Variants in INTS9 observed in about 807,000 individuals in gnomAD.
INTS9 encodes protein related to CPSF subunits of 74 kDa.
In INTS9, 55 loss-of-function variants were observed where a neutral mutation model predicts 79.7. The observed-to-expected ratio is 0.69, with a 90% CI of 0.56 to 0.86. The LOEUF is 0.86. Among genes scored for constraint, INTS9 ranks in the 40% least tolerant of loss-of-function variants. The pLI is 0.00. For missense variants in INTS9, 721 were observed against 831.5 expected (o/e 0.87, Z 1.64); for synonymous variants, 319 against 325.2 (o/e 0.98, Z 0.20).
chr8:28,771,900 G>A (rs1802563431), intron 14 of INTS9, among the ~76,000 whole-genome samples: 1 of 152,130 alleles, frequency 6.6e-6, no homozygotes, highest in South Asian at 2.1e-4. Context: ...TCACTCTGCT[G>A]CCCAGGCTGG....
At chr8:28,826,286 T>A (rs1410016276) in intron 6 of INTS9, among the ~76,000 whole-genome samples, 2 of 151,970 alleles carry the variant, frequency 1.3e-5, no homozygotes, top group Non-Finnish European at 2.9e-5. Context: ...TAAATGACAC[T>A]CAAAAGAAAA....
intron 11 of INTS9, among the ~76,000 whole-genome samples, chr8:28,784,941 A>G (rs771038654): frequency 9.2e-5 from 14 of 152,212 alleles, no homozygotes; most frequent in Non-Finnish European, 1.9e-4. Context: ...GAGTACATCT[A>G]TCTGTCACAT....
chr8:28,819,780 G>C (rs985950171), intron 6 of INTS9, among the ~76,000 whole-genome samples: 2 of 152,088 alleles, frequency 1.3e-5, no homozygotes, highest in African/African-American at 4.8e-5. Flanking sequence ...ATTATTGTGT[G>C]GGAGTCTAAG....
chr8:28,877,429 T>C (rs1809458017), intron 1 of INTS9, among the ~76,000 whole-genome samples: 1 of 152,182 alleles, frequency 6.6e-6, no homozygotes, highest in Non-Finnish European at 1.5e-5. Context: ...CATTACATTG[T>C]AGTGGTAAGC....
intron 4 of INTS9, among the ~76,000 whole-genome samples, chr8:28,844,361 C>A (rs944293493): frequency 1.3e-5 from 2 of 151,688 alleles, no homozygotes; most frequent in Admixed American, 6.6e-5. Flanking sequence ...GGCAACAAGG[C>A]AAAACCCCAT....
chr8:28,809,262 G>A (rs972228275), intron 8 of INTS9, among the ~76,000 whole-genome samples: 2 of 152,022 alleles, frequency 1.3e-5, no homozygotes, highest in Admixed American at 6.6e-5. Flanking sequence ...TCCAGCCTAC[G>A]GTGTATATTC....
Position 28,767,891 on chromosome 8 carries a change from C to T in INTS9, c.*255G>A. 4.3e-6 allele frequency: 2 copies of T among 470,538 alleles called. No individual in the cohort carries two copies. The highest frequency in any genetic ancestry group is 4.5e-5 in the South Asian group (2 of 44,808). 29.1% of individuals were successfully genotyped at this position (470,538 alleles called of 1,614,324 possible). A position where few individuals can be genotyped will look rare whatever the true frequency, so the allele number is the denominator to read the frequency against. On this transcript the variant is annotated 3_prime_UTR_variant, in exon 17 of 17. Transcript: ENST00000521022. ...TTGGAAAACTTCTCCTGTCCCACTT[C>T]TGCCACCCTCCAGCTCCTTGAGAGA...
At position 28,773,184 on chromosome 8, in the gene INTS9, C is replaced by T. The variant is rs186477744; in HGVS notation, c.1564-2104G>A. On this transcript the variant is annotated intron_variant, in intron 14 of 16. Coordinates refer to ENST00000521022, the MANE Select transcript of INTS9 (RefSeq NM_018250.4). ...AAATGAAAATCTGTGAAAAAAGGGG[C>T]CAGGCGCAGTGGCTCACGCCTGTAA... Among the ~76,000 whole-genome samples the T allele has an allele frequency of 3.3e-5, 5 of 152,246 alleles. No homozygotes were observed. In the East Asian group the frequency reaches 7.8e-4, roughly 24 times the overall value.
chr8:28,842,351 C>T (rs899710728), intron 4 of INTS9, among the ~76,000 whole-genome samples: 6 of 152,122 alleles, frequency 3.9e-5, no homozygotes, highest in African/African-American at 1.2e-4. Context: ...GATGTTTTCA[C>T]GTTTTCATTT....
In INTS9 at chr8:28,784,379, T is replaced by A. The variant is rs528683702; in HGVS notation, c.1099-3385A>T. On this transcript the variant is annotated intron_variant, in intron 11 of 16. Transcript: ENST00000521022. ...TCCACCACAAGATGTTTTGCCACAC[T>A]TAATTTTCTGACATTTTTATAATAT... is the stretch of plus-strand genomic sequence containing the variant. Among the ~76,000 whole-genome samples the A allele has an allele frequency of 2.6e-4, 40 of 152,344 alleles. No individual in the cohort carries two copies. In the South Asian group the frequency reaches 7.9e-3, roughly 30 times the overall value.
chr8:28,803,112 AAAAT>A (rs1303868918), intron 8 of INTS9, among the ~76,000 whole-genome samples: 3 of 152,214 alleles, frequency 2.0e-5, no homozygotes, highest in Admixed American at 6.5e-5. Context: ...GACTGTCTCA[AAAAT>A]AAATAAATAA....
At chr8:28,878,938 C>G (rs1438805763) in intron 1 of INTS9, among the ~76,000 whole-genome samples, 2 of 151,460 alleles carry the variant, frequency 1.3e-5, no homozygotes, top group East Asian at 3.9e-4. Context: ...CAAGATTGCC[C>G]ACCGCACTCC....
At chr8:28,799,822 C>T (rs914047039) in intron 8 of INTS9, among the ~76,000 whole-genome samples, 7 of 152,200 alleles carry the variant, frequency 4.6e-5, no homozygotes, top group Admixed American at 2.6e-4. Context: ...GCCAGCAACA[C>T]CCAACTCGGG....
At chr8:28,859,596 C>A (rs904715115) in intron 1 of INTS9, 33 bp from the exon 2 acceptor site, 3 of 1,608,474 alleles carry the variant, frequency 1.9e-6, no homozygotes, top group African/African-American at 2.7e-5. Flanking sequence ...GATCAGTAAT[C>A]AATTACAGAA....
At chr8:28,807,002 A>G (rs1337521554) in intron 8 of INTS9, among the ~76,000 whole-genome samples, 1 of 152,202 alleles carries the variant, frequency 6.6e-6, no homozygotes, top group African/African-American at 2.4e-5. Context: ...ACAAAGGATG[A>G]AAATACAACC....
rs1021422673 is a variant in INTS9, at chr8:28,839,328, G to A, written c.262-1552C>T. ...ATGGAAGAACATTCCATGCTCATGG[G>A]TAGGAAGAATCAATATCATGAAAAT... is the stretch of plus-strand genomic sequence containing the variant. On this transcript the variant is annotated intron_variant, in intron 4 of 16. Coordinates refer to ENST00000521022, the MANE Select transcript of INTS9 (RefSeq NM_018250.4). 2.6e-5 allele frequency among the ~76,000 whole-genome samples: 4 copies of A among 151,934 alleles called. No homozygotes were observed. In the East Asian group the frequency reaches 7.7e-4, roughly 29 times the overall value.
intron 9 of INTS9, 22 bp from the exon 10 acceptor site, chr8:28,794,009 G>A: frequency 1.3e-6 from 2 of 1,505,726 alleles, no homozygotes; most frequent in South Asian, 1.3e-5. Context: ...GATGCCAGAG[G>A]AGAAAAAACA....
intron 3 of INTS9, among the ~76,000 whole-genome samples, chr8:28,848,637 A>G (rs1265108898): frequency 6.6e-6 from 1 of 152,208 alleles, no homozygotes; most frequent in Non-Finnish European, 1.5e-5. Context: ...ATGATTAAAG[A>G]CAAATCATGG....
intron 14 of INTS9, among the ~76,000 whole-genome samples, chr8:28,775,435 A>G (rs1254750609): frequency 6.6e-6 from 1 of 152,120 alleles, no homozygotes; most frequent in Non-Finnish European, 1.5e-5. Flanking sequence ...CTCCTGGTTC[A>G]AGCGATTCTC....
Sources: gnomAD v4.1 joint callset for allele counts (sites outside exome capture counted in the v4.1 genomes callset) on GRCh38, gnomAD v4.1.1 for gene constraint, MANE v1.5 for transcripts, NCBI Gene and HGNC (gene_info 2026-07-23, HGNC 2026-07-21) for gene names.